Variants in PLEC observed in about 807,000 individuals in gnomAD.
PLEC encodes hemidesmosomal protein 1.
Under a neutral mutation model 392.8 loss-of-function variants are expected in PLEC, and 216 were observed. That is an observed-to-expected ratio of 0.55 (90% CI 0.49 to 0.62). The LOEUF is 0.62. Among genes scored for constraint, PLEC ranks in the 20% least tolerant of loss-of-function variants. PLEC has a pLI of 0.00. For missense variants in PLEC, 6,863 were observed against 6,563.4 expected (o/e 1.05, Z -1.58); for synonymous variants, 3,621 against 2,980.6 (o/e 1.21, Z -7.00).
intron 1 of PLEC, among the ~76,000 whole-genome samples, chr8:143,960,536 T>G (rs1045971694): frequency 4.3e-4 from 65 of 149,498 alleles, no homozygotes; most frequent in African/African-American, 1.6e-3. Context: ...AGAATCCCTC[T>G]AACCCGGGAG....
Position 143,919,398 on chromosome 8 carries a change from T to C in PLEC, c.10423A>G (p.Ile3475Val). ...LEAQIATGGI[I>V]DPVHSHRVPV... The stretch of plus-strand genomic sequence containing the variant: ...ACGCGGTGGCTGTGCACGGGGTCGA[T>C]GATGCCGCCCGTGGCGATCTGGGCC... The change falls in exon 32 of 32, where the codon ATC (isoleucine) becomes GTC (valine). Residue 3475 changes from isoleucine (I) to valine (V), a missense_variant. Transcript: ENST00000345136. 2 of 1,613,490 alleles carry C rather than the reference T, an allele frequency of 1.2e-6. No individual in the cohort carries two copies. The highest frequency in any genetic ancestry group is 1.7e-6 in the Non-Finnish European group (2 of 1,179,944).
rs554783170 is a variant in PLEC, at chr8:143,925,896, G to C, written c.4045-12C>G. The C allele has an allele frequency of 6.5e-7, 1 of 1,538,774 alleles. No homozygotes were observed. Among genetic ancestry groups the C allele is most frequent in the African/African-American group, 1.4e-5 (1 of 73,516 alleles). On this transcript the variant is annotated splice_polypyrimidine_tract_variant and intron_variant, in intron 30 of 31. Coordinates refer to ENST00000345136, the MANE Select transcript of PLEC (RefSeq NM_201384.3). Reference sequence around the variant, plus strand: ...TGCTCAGCCAGCCTCTGTGGCCACAGCAGAGAGAAGAAGAGAAGCAGAGAG... The same window carrying C: ...TGCTCAGCCAGCCTCTGTGGCCACACCAGAGAGAAGAAGAGAAGCAGAGAG...
At chr8:143,935,437 G>C in intron 6 of PLEC, 124 bp from the exon 7 acceptor site, 1 of 734,468 alleles carries the variant, frequency 1.4e-6, no homozygotes, top group South Asian at 1.5e-5. Flanking sequence ...CACTCACCCT[G>C]AAAAATACAC....
chr8:143,926,739 G>A (rs1162811977), intron 30 of PLEC, 45 bp downstream of exon 30: 3 of 1,474,144 alleles, frequency 2.0e-6, no homozygotes, highest in African/African-American at 2.8e-5. Flanking sequence ...CACAACAGGT[G>A]GTGAGATGGA....
rs1554740111 is a variant in PLEC at position 143,959,390 on chromosome 8, C to T, written c.70+14013G>A. On this transcript the variant is annotated intron_variant, in intron 1 of 31. Coordinates refer to the PLEC transcript ENST00000356346. ...CACAAAACGTGCTGGAATAAGATAA[C>T]TGACGATCGGTCAGAGCTGATGCAG... is the stretch of plus-strand genomic sequence containing the variant. Among the ~76,000 whole-genome samples, 7 of 152,270 alleles carry T rather than the reference C, an allele frequency of 4.6e-5. No individual in the cohort carries two copies. The South Asian group carries it at 1.0e-3, about 22-fold the overall frequency.
Position 143,934,604 on chromosome 8 carries a change from C to T in PLEC, c.1041+31G>A, listed in dbSNP as rs201233351. The T allele has an allele frequency of 2.6e-4, 416 of 1,606,798 alleles. 3 individuals carry two copies. In the Admixed American group the frequency reaches 6.8e-3, roughly 26 times the overall value. On this transcript the variant is annotated intron_variant, in intron 10 of 31. Transcript: ENST00000345136. ...CTTTCAGGCCTGGGGCGTTCCAGGACACCACCCACCCCTCCAGCGGTCCCA... is the reference window on the plus strand; with the variant it reads ...CTTTCAGGCCTGGGGCGTTCCAGGATACCACCCACCCCTCCAGCGGTCCCA...
Position 143,971,557 on chromosome 8 carries a change from T to G in PLEC, c.70+1846A>C, listed in dbSNP as rs565380337. ...AAAGGTGTAGGGCACAGGGGCCACCTCTGACCTCCTGCAGGCCCTCCTCAG... is the reference window on the plus strand; with the variant it reads ...AAAGGTGTAGGGCACAGGGGCCACCGCTGACCTCCTGCAGGCCCTCCTCAG... On this transcript the variant is annotated intron_variant, in intron 1 of 31. Coordinates refer to the PLEC transcript ENST00000356346. Among the ~76,000 whole-genome samples the G allele has an allele frequency of 1.6e-4, 25 of 152,198 alleles. No homozygotes were observed. In the East Asian group the frequency reaches 4.4e-3, roughly 27 times the overall value.
In PLEC at chr8:143,921,492, AG is replaced by A. The variant is rs781948690; in HGVS notation, c.8328del (p.Tyr2777ThrfsTer63). 6.2e-7 allele frequency: 1 copy of A among 1,613,034 alleles called. No homozygotes were observed. The highest frequency in any genetic ancestry group is 8.5e-7 in the Non-Finnish European group (1 of 1,179,804). On this transcript the variant is annotated frameshift_variant, in exon 32 of 32. Coordinates refer to ENST00000345136, the MANE Select transcript of PLEC (RefSeq NM_201384.3). LOFTEE classifies it low-confidence loss of function (END_TRUNC). ...TGCTGGCCAGTGTAGGGGTCCTTGT[AG>A]CCAGTGACGGCGCGCTCGGCCGACA... ...KLLSAERAVT[G>X]YKDPYTGQQI...
chr8:143,973,560 G>T (rs1162774899), upstream of PLEC: 22 of 1,051,146 alleles, frequency 2.1e-5, no homozygotes, highest in African/African-American at 2.9e-4. The surrounding 1 kb of genome is among the most constrained non-coding windows in gnomAD (Gnocchi z 5.6). Context: ...CGCTTAAAGA[G>T]GCCGCCCCCG....
intron 1 of PLEC, among the ~76,000 whole-genome samples, chr8:143,963,007 T>G (rs1554741286): frequency 6.6e-5 from 10 of 152,140 alleles, no homozygotes. Context: ...AGATGAGGTA[T>G]GTGACTCATG....
rs371116137 is a variant in PLEC at position 143,964,179 on chromosome 8, A to G, written c.70+9224T>C. Among the ~76,000 whole-genome samples, 4 of 152,108 alleles carry G rather than the reference A, an allele frequency of 2.6e-5. No individual in the cohort carries two copies. The East Asian group carries it at 5.8e-4, about 22-fold the overall frequency. On this transcript the variant is annotated intron_variant, in intron 1 of 31. Transcript: ENST00000356346. ...TTTGGGGCATGTTGGCATAAGAAAC[A>G]TTTATTTTGGAAGTGGGGCAGATGT...
chr8:143,972,284 G>A (rs1231771121), intron 1 of PLEC, among the ~76,000 whole-genome samples: 3 of 152,232 alleles, frequency 2.0e-5, no homozygotes, highest in African/African-American at 7.2e-5. Flanking sequence ...GCAACAGGCT[G>A]CCCGCTCCAG....
upstream of PLEC, among the ~76,000 whole-genome samples, chr8:143,957,889 C>T (rs1463763511): frequency 3.4e-5 from 5 of 145,446 alleles, no homozygotes; most frequent in East Asian, 4.5e-4. Flanking sequence ...TGGGCTGTGA[C>T]CCAGTGACCC....
intron 1 of PLEC, among the ~76,000 whole-genome samples, chr8:143,968,200 T>C (rs1158347128): frequency 2.0e-5 from 3 of 149,430 alleles, no homozygotes; most frequent in Admixed American, 6.7e-5. Flanking sequence ...GATTAGACAA[T>C]GGCTTCTTAA....
rs1488403821 is a variant in PLEC at position 143,922,108 on chromosome 8, C to T, written c.7713G>A (p.Glu2571=). 30 of 1,553,594 alleles carry T rather than the reference C, an allele frequency of 1.9e-5. No homozygotes were observed. Among genetic ancestry groups the T allele is most frequent in the Non-Finnish European group, 2.6e-5 (30 of 1,156,374 alleles). Residue 2571 remains glutamate (E), a synonymous_variant, in exon 32 of 32, where the codon GAG becomes GAA. Transcript: ENST00000345136. ...EAEEGVRRKQ[E]ELQQLEQQRR... is the part of the protein sequence containing the mutation. ...GCTGCTGCTCCAGCTGCTGCAGCTCCTCCTGCTTGCGCCGCACGCCCTCCT... is the reference window on the plus strand; with the variant it reads ...GCTGCTGCTCCAGCTGCTGCAGCTCTTCCTGCTTGCGCCGCACGCCCTCCT...
At chr8:143,971,372 C>T (rs1833421381) in intron 1 of PLEC, among the ~76,000 whole-genome samples, 1 of 152,118 alleles carries the variant, frequency 6.6e-6, no homozygotes, top group Admixed American at 6.5e-5. Context: ...GACAGGGGCC[C>T]GCAGCTGCTT....
In PLEC at chr8:143,920,743, G is replaced by C; in HGVS notation, c.9078C>G (p.Ile3026Met). Residue 3026 changes from isoleucine to methionine, a missense_variant, in exon 32 of 32, where the codon ATC (isoleucine) becomes ATG (methionine). By Grantham distance (10) the Ile-to-Met change is conservative. Coordinates refer to ENST00000345136, the MANE Select transcript of PLEC (RefSeq NM_201384.3). ...CCGCCTCCTCCAGCCATACACCCGC[G>C]ATGACGTTGGCACCCCGGAGAGCCC... ...VRRALRGANV[I>M]AGVWLEEAGQ... is the part of the protein sequence containing the mutation. 1 of 1,604,906 alleles carries C rather than the reference G, an allele frequency of 6.2e-7. No individual in the cohort carries two copies. The highest frequency in any genetic ancestry group is 8.5e-7 in the Non-Finnish European group (1 of 1,179,908).
intron 1 of PLEC, among the ~76,000 whole-genome samples, chr8:143,964,085 G>A (rs1303914198): frequency 5.9e-5 from 9 of 152,108 alleles, no homozygotes; most frequent in African/African-American, 2.2e-4. Flanking sequence ...GATTACAGGC[G>A]TGAGCCACTG....
Position 143,920,338 on chromosome 8 carries a change from G to T in PLEC, c.9483C>A (p.Gly3161=). The part of the protein sequence containing the change: ...RVPLDVACAR[G]CLDEETSRAL... Reference sequence around the variant, plus strand: ...CCCTGCTGGTCTCCTCATCCAGGCAGCCTCGGGCGCAGGCGACATCCAGGG... The same window carrying T: ...CCCTGCTGGTCTCCTCATCCAGGCATCCTCGGGCGCAGGCGACATCCAGGG... The change falls in exon 32 of 32, where the codon GGC becomes GGA. Residue 3161 remains glycine, a synonymous_variant. Coordinates refer to ENST00000345136, the MANE Select transcript of PLEC (RefSeq NM_201384.3). 6.3e-7 allele frequency: 1 copy of T among 1,593,578 alleles called. No individual in the cohort carries two copies. The highest frequency in any genetic ancestry group is 1.3e-5 in the African/African-American group (1 of 74,842).
Sources: gnomAD v4.1 joint callset for allele counts (sites outside exome capture counted in the v4.1 genomes callset) on GRCh38, gnomAD v4.1.1 for gene constraint, Gnocchi (gnomAD v3.1) non-coding constraint, MANE v1.5 for transcripts, NCBI Gene and HGNC (gene_info 2026-07-23, HGNC 2026-07-21) for gene names.